The following PAMR1 variants were observed in gnomAD, a reference collection of about 807,000 sequenced individuals.
PAMR1 encodes the protein peptidase domain containing associated with muscle regeneration 1, also known as inactive serine protease PAMR1.
In PAMR1, 88 loss-of-function variants were observed where a neutral mutation model predicts 81.8. The observed-to-expected ratio is 1.08, with a 90% CI of 0.91 to 1.28. PAMR1 has a LOEUF of 1.28. Ranked by LOEUF, PAMR1 falls within the 50% of genes most tolerant of loss-of-function variation. PAMR1 has a pLI of 0.00. For missense variants in PAMR1, 935 were observed against 919.7 expected, an observed-to-expected ratio of 1.02 and a Z score of -0.21; for synonymous variants, 336 against 345.3, an observed-to-expected ratio of 0.97 and a Z score of 0.30.
intron 1 of PAMR1, among the ~76,000 whole-genome samples, chr11:35,514,055 T>C (rs1053419091): frequency 2.6e-5 from 4 of 152,024 alleles, no homozygotes; most frequent in Non-Finnish European, 5.9e-5. Context: ...TTCTGGGCTA[T>C]ACTCTGAACC....
In PAMR1 at chr11:35,434,685, A is replaced by T; in HGVS notation, c.1453T>A (p.Trp485Arg). ...VHDGSLHKGA[W>R]FLVCSGALVN... ...AGGGCACCGCTGCAGACTAGGAACC[A>T]CGCTCCCTTGTGTAGGCTGCCGTCA... is the stretch of plus-strand genomic sequence containing the variant. Residue 485 changes from tryptophan (W) to arginine (R), a missense_variant, in exon 10 of 11, where the codon TGG becomes AGG. Coordinates refer to ENST00000619888, the MANE Select transcript of PAMR1 (RefSeq NM_001001991.3). The T allele has an allele frequency of 6.2e-7, 1 of 1,614,114 alleles. No homozygotes were observed. The highest frequency in any genetic ancestry group is 1.1e-5 in the South Asian group (1 of 91,078).
chr11:35,487,215 GAAA>G (rs111704287), intron 3 of PAMR1, among the ~76,000 whole-genome samples: 5,493 of 130,184 alleles, frequency 0.042, 139 homozygotes, highest in Middle Eastern at 0.07. Context: ...TAGTTACCCA[GAAA>G]AAAAAAAAAA....
intron 6 of PAMR1, among the ~76,000 whole-genome samples, chr11:35,463,989 G>A (rs143927570): frequency 2.7e-3 from 405 of 152,300 alleles, no homozygotes; most frequent in African/African-American, 9.4e-3. Context: ...CAGGTCCCAA[G>A]TCTTATTTTG....
intron 1 of PAMR1, among the ~76,000 whole-genome samples, chr11:35,506,697 T>C (rs1055386420): frequency 6.6e-6 from 1 of 151,960 alleles, no homozygotes; most frequent in African/African-American, 2.4e-5. Flanking sequence ...TTCTTTTGTA[T>C]GTTATTTGCT....
chr11:35,510,283 T>C (rs965685936), intron 1 of PAMR1, among the ~76,000 whole-genome samples: 2 of 152,186 alleles, frequency 1.3e-5, no homozygotes, highest in Non-Finnish European at 2.9e-5. Flanking sequence ...TGAACCTACA[T>C]GGACTCATCA....
chr11:35,507,974 G>C (rs1199438935), intron 1 of PAMR1, among the ~76,000 whole-genome samples: 1 of 152,130 alleles, frequency 6.6e-6, no homozygotes, highest in African/African-American at 2.4e-5. Flanking sequence ...CATGCCTGGG[G>C]AACTTGTGGA....
chr11:35,501,904 G>A (rs1426887951), intron 1 of PAMR1, among the ~76,000 whole-genome samples: 4 of 152,214 alleles, frequency 2.6e-5, no homozygotes, highest in Non-Finnish European at 5.9e-5. Context: ...TAAGAGTGGA[G>A]ATGTCTCTTT....
chr11:35,465,075 T>C (rs1355931647), intron 6 of PAMR1, among the ~76,000 whole-genome samples: 1 of 152,202 alleles, frequency 6.6e-6, no homozygotes, highest in East Asian at 1.9e-4. Context: ...TGAGAGATTG[T>C]GAACTAAGTG....
intron 3 of PAMR1, among the ~76,000 whole-genome samples, chr11:35,479,218 G>A (rs887169157): frequency 4.6e-5 from 7 of 152,164 alleles, no homozygotes; most frequent in Non-Finnish European, 2.9e-5. Context: ...AAAAAATTCA[G>A]AGAGAGGCAT....
chr11:35,529,425 G>C (rs1221891202), upstream of PAMR1, among the ~76,000 whole-genome samples: 1 of 152,090 alleles, frequency 6.6e-6, no homozygotes, highest in East Asian at 1.9e-4. Context: ...ACATTTGGAG[G>C]GCCCTCTCAC....
At chr11:35,495,721 G>A (rs766378656) in intron 1 of PAMR1, among the ~76,000 whole-genome samples, 4 of 152,084 alleles carry the variant, frequency 2.6e-5, no homozygotes, top group Non-Finnish European at 5.9e-5. Flanking sequence ...GAATTTCATA[G>A]TTTCCTCCCC....
intron 7 of PAMR1, 67 bp downstream of exon 7, chr11:35,441,414 A>G (rs1325947611): frequency 8.7e-7 from 1 of 1,151,756 alleles, no homozygotes; most frequent in Non-Finnish European, 1.3e-6. Context: ...AAAACATGCA[A>G]AGGAGCTACC....
chr11:35,432,382 C>T lies in PAMR1; in HGVS notation c.2137G>A (p.Asp713Asn). Residue 713 changes from aspartate to asparagine, a missense_variant, in exon 11 of 11, where the codon GAC becomes AAC. Asp to Asn is a conservative substitution (Grantham distance 23, BLOSUM62 1). Coordinates refer to ENST00000619888, the MANE Select transcript of PAMR1 (RefSeq NM_001001991.3). ...TAFTKVLPFK[D>N]WIERNMK The stretch of plus-strand genomic sequence containing the variant: ...CATTTCATATTTCTTTCAATCCAGT[C>T]TTTAAAAGGCAGCACCTTGGTGAAG... 6.2e-7 allele frequency: 1 copy of T among 1,613,110 alleles called. No individual in the cohort carries two copies. Among genetic ancestry groups the T allele is most frequent in the South Asian group, 1.1e-5 (1 of 91,076 alleles).
chr11:35,485,494 A>G (rs114625271), intron 3 of PAMR1, among the ~76,000 whole-genome samples: 3 of 152,218 alleles, frequency 2.0e-5, no homozygotes, highest in African/African-American at 4.8e-5. Context: ...TACTAAACCA[A>G]TCTTTCCTGG....
intron 8 of PAMR1, among the ~76,000 whole-genome samples, chr11:35,438,013 C>T (rs997097766): frequency 6.6e-6 from 1 of 152,212 alleles, no homozygotes. Flanking sequence ...TAGCTGTAGT[C>T]AATTTCAGTC....
chr11:35,434,941 T>C, intron 9 of PAMR1, 137 bp from the exon 10 acceptor site: 1 of 769,040 alleles, frequency 1.3e-6, no homozygotes, highest in Non-Finnish European at 2.1e-6. Context: ...AGTAACCCAG[T>C]TTTCTTCTGC....
At chr11:35,445,469 C>A (rs1310873065) in intron 6 of PAMR1, among the ~76,000 whole-genome samples, 1 of 152,180 alleles carries the variant, frequency 6.6e-6, no homozygotes, top group Non-Finnish European at 1.5e-5. Flanking sequence ...ATGATATTGG[C>A]TGTGGGTTTG....
chr11:35,449,601 G>A (rs1856369662), intron 6 of PAMR1, among the ~76,000 whole-genome samples: 3 of 152,178 alleles, frequency 2.0e-5, no homozygotes, highest in South Asian at 4.1e-4. Context: ...AAACCGCAGT[G>A]ATGGCTGCCT....
chr11:35,510,384 C>T (rs1345488851), intron 1 of PAMR1, among the ~76,000 whole-genome samples: 1 of 152,138 alleles, frequency 6.6e-6, no homozygotes, highest in Non-Finnish European at 1.5e-5. Flanking sequence ...CATGTACCCA[C>T]CATTAGAGTA....
Sources: allele counts gnomAD v4.1 joint callset (sites outside exome capture counted in the v4.1 genomes callset), GRCh38; gene constraint gnomAD v4.1.1; transcripts MANE v1.5; gene names NCBI Gene and HGNC (gene_info 2026-07-23, HGNC 2026-07-21).